The following PLEKHH2 variants were observed in gnomAD, a reference collection of about 807,000 sequenced individuals.
PLEKHH2 encodes the protein pleckstrin homology domain-containing family H member 2.
Under a neutral mutation model 187.9 loss-of-function variants are expected in PLEKHH2, and 129 were observed. That is an observed-to-expected ratio of 0.69 (90% CI 0.59 to 0.79). The LOEUF (loss-of-function observed/expected upper bound fraction) is 0.79. Among genes scored for constraint, PLEKHH2 ranks in the 30% least tolerant of loss-of-function variants. The probability of loss-of-function intolerance (pLI) is 0.00; values close to 1 mark genes in which losing one functional copy is unlikely to be tolerated. For missense variants in PLEKHH2, 2,076 were observed against 1,751.2 expected (o/e 1.19, Z -3.31); for synonymous variants, 686 against 605.6 (o/e 1.13, Z -1.95).
intron 2 of PLEKHH2, among the ~76,000 whole-genome samples, chr2:43,654,016 C>A (rs1325693915): frequency 2.6e-5 from 4 of 152,046 alleles, no homozygotes; most frequent in Non-Finnish European, 5.9e-5. Flanking sequence ...GCAAGGAGAA[C>A]AGAGAGCTAA....
chr2:43,642,314 G>A (rs1665978814), intron 1 of PLEKHH2, among the ~76,000 whole-genome samples: 1 of 152,082 alleles, frequency 6.6e-6, no homozygotes, highest in Admixed American at 6.6e-5. Flanking sequence ...ACTTTTGTAT[G>A]TTGATCTGAT....
chr2:43,756,981 G>A, intron 25 of PLEKHH2, 138 bp from the exon 26 acceptor site: 1 of 572,414 alleles, frequency 1.7e-6, no homozygotes. Context: ...TGATTATGAA[G>A]TTCATAATCA....
intron 24 of PLEKHH2, among the ~76,000 whole-genome samples, chr2:43,746,956 C>A (rs546391887): frequency 1.3e-5 from 2 of 151,230 alleles, no homozygotes; most frequent in East Asian, 1.9e-4. Context: ...GACGACAAAG[C>A]GAGACTCTGT....
At chr2:43,756,991 A>G (rs1672236657) in intron 25 of PLEKHH2, 128 bp from the exon 26 acceptor site, 1 of 609,622 alleles carries the variant, frequency 1.6e-6, no homozygotes, top group African/African-American at 1.9e-5. Context: ...GTTCATAATC[A>G]CATAATCATG....
intron 6 of PLEKHH2, 141 bp downstream of exon 6, chr2:43,695,365 C>A (rs773024799): frequency 1.4e-4 from 62 of 456,266 alleles, no homozygotes; most frequent in Non-Finnish European, 2.1e-4. Context: ...ACTAAACAAA[C>A]CAGAAGTCCT....
intron 2 of PLEKHH2, among the ~76,000 whole-genome samples, chr2:43,655,792 G>A (rs2374566): frequency 0.57 from 87,141 of 151,768 alleles, 25,537 homozygotes; most frequent in Middle Eastern, 0.67. Flanking sequence ...GCCCTCAACA[G>A]CTCCTTGAGC....
At chr2:43,686,465 G>A (rs1397282026) in intron 3 of PLEKHH2, among the ~76,000 whole-genome samples, 1 of 152,184 alleles carries the variant, frequency 6.6e-6, no homozygotes, top group Non-Finnish European at 1.5e-5. Flanking sequence ...CCAAAGTGTT[G>A]GGATTTCAGG....
At chr2:43,713,030 G>T (rs1266882670) in intron 15 of PLEKHH2, among the ~76,000 whole-genome samples, 1 of 152,082 alleles carries the variant, frequency 6.6e-6, no homozygotes, top group African/African-American at 2.4e-5. Context: ...CTAAAAGGCA[G>T]TTTGGCAATA....
intron 17 of PLEKHH2, among the ~76,000 whole-genome samples, chr2:43,728,371 TG>T (rs1670872892): frequency 6.8e-6 from 1 of 146,740 alleles, no homozygotes; most frequent in African/African-American, 2.5e-5. Flanking sequence ...CCCAGCTACT[TG>T]GGAGGCTGAG....
chr2:43,703,934 T>TTTTTTTC, intron 8 of PLEKHH2, 47 bp from the exon 9 acceptor site: 1 of 636,788 alleles, frequency 1.6e-6, no homozygotes, highest in East Asian at 3.6e-5. Context: ...TTTTTTTTTT[T>TTTTTTTC]TTTTTTTGCT....
rs143558923 is a variant in PLEKHH2, at chr2:43,762,225, TACATG to T, written c.4072-74_4072-70del. The T allele has an allele frequency of 2.5e-3, 2,754 of 1,094,460 alleles. 44 individuals carry two copies. In the African/African-American group the frequency reaches 0.032, roughly 13 times the overall value. The allele number at this position is 1,094,460 out of a possible 1,614,324, so 67.8% of individuals were successfully genotyped here. A position where few individuals can be genotyped will look rare whatever the true frequency, so the allele number is the denominator to read the frequency against. On this transcript the variant is annotated intron_variant, in intron 27 of 29. Transcript: ENST00000282406. ...ATTATTGTTGTTTAATGGCAAATGT[TACATG>T]ACATTTAGACTGAAAAATATTCCTG...
chr2:43,741,568 ATT>A, intron 21 of PLEKHH2, among the ~76,000 whole-genome samples: 1 of 152,364 alleles, frequency 6.6e-6, no homozygotes, highest in Middle Eastern at 3.4e-3. Context: ...ATCCAGGGTC[ATT>A]TTGTCCACCA....
intron 2 of PLEKHH2, among the ~76,000 whole-genome samples, chr2:43,671,561 C>G (rs980403041): frequency 3.9e-5 from 6 of 152,182 alleles, no homozygotes; most frequent in Admixed American, 3.9e-4. Context: ...AGCATTCAGG[C>G]TTTCCCATTG....
At chr2:43,701,099 G>C (rs1255955712) in intron 8 of PLEKHH2, among the ~76,000 whole-genome samples, 2 of 152,196 alleles carry the variant, frequency 1.3e-5, no homozygotes, top group African/African-American at 4.8e-5. Flanking sequence ...CTTATTTACT[G>C]ATAAAACTAA....
At position 43,660,470 on chromosome 2, in the gene PLEKHH2, TA is replaced by T. The variant is rs1290094919; in HGVS notation, c.123+15675del. Among the ~76,000 whole-genome samples, 108 of 148,914 alleles carry T rather than the reference TA, an allele frequency of 7.3e-4. 1 individual carries two copies. The highest frequency in any genetic ancestry group is 1.0e-3 in the Non-Finnish European group (68 of 67,562). On this transcript the variant is annotated intron_variant, in intron 2 of 29. Transcript: ENST00000282406. ...TTTTTTTTTTGCCAATTAAGGAATT[TA>T]TTTTTTTTTTTTTATACTTTAAGTT...
chr2:43,743,722 A>G (rs1671664476), intron 22 of PLEKHH2, 112 bp from the exon 23 acceptor site: 2 of 1,045,394 alleles, frequency 1.9e-6, no homozygotes, highest in African/African-American at 1.6e-5. Context: ...AAGCACCTAG[A>G]AAAATATGTT....
Position 43,678,844 on chromosome 2 carries a change from A to G in PLEKHH2, c.124-19A>G. ...TTCAAAAATAAATTTTTGTATTTAT[A>G]TTTTCCCTCACTCTACAGATGCAAC... On this transcript the variant is annotated intron_variant, in intron 2 of 29. Transcript: ENST00000282406. The G allele has an allele frequency of 6.4e-7, 1 of 1,556,582 alleles. No individual in the cohort carries two copies.
At chr2:43,748,572 G>T (rs970801928) in intron 24 of PLEKHH2, among the ~76,000 whole-genome samples, 1 of 152,176 alleles carries the variant, frequency 6.6e-6, no homozygotes, top group African/African-American at 2.4e-5. Flanking sequence ...CAGAATTTCC[G>T]GGGGTGGAGC....
intron 2 of PLEKHH2, among the ~76,000 whole-genome samples, chr2:43,668,635 C>T (rs569578722): frequency 3.9e-5 from 6 of 152,206 alleles, no homozygotes; most frequent in Admixed American, 2.6e-4. Flanking sequence ...GGAAGGTTCT[C>T]TAAAGTACAA....
Sources: allele counts gnomAD v4.1 joint callset (sites outside exome capture counted in the v4.1 genomes callset), GRCh38; gene constraint gnomAD v4.1.1; transcripts MANE v1.5; gene names NCBI Gene and HGNC (gene_info 2026-07-23, HGNC 2026-07-21).